UPP2: variants seen among roughly 807,000 people sequenced by gnomAD.
The protein encoded by UPP2 is uridine phosphorylase 2.
UPP2 carries 23 observed loss-of-function variants against 26.7 expected under a neutral mutation model. The observed-to-expected ratio is 0.86, with a 90% confidence interval of 0.62 to 1.22. UPP2 has a LOEUF of 1.22. UPP2 is among the 50% of genes most tolerant of loss of function. The probability of loss-of-function intolerance (pLI) is 0.00; values close to 1 mark genes in which losing one functional copy is unlikely to be tolerated. For synonymous variants in UPP2, 127 were observed against 141.3 expected (o/e 0.90, Z 0.72); for missense variants, 387 against 396.7 (o/e 0.98, Z 0.21).
At chr2:158,086,325 A>G (rs1032202062) in intron 3 of UPP2, among the ~76,000 whole-genome samples, 1 of 152,074 alleles carries the variant, frequency 6.6e-6, no homozygotes, top group Non-Finnish European at 1.5e-5. Flanking sequence ...TTTCTGTGGT[A>G]TTGGTTGTAG....
At chr2:158,026,078 C>A (rs941018596) in intron 3 of UPP2, among the ~76,000 whole-genome samples, 2 of 152,110 alleles carry the variant, frequency 1.3e-5, no homozygotes, top group African/African-American at 4.8e-5. Flanking sequence ...TTCATTGTAT[C>A]TCCCGTCGTG....
intron 6 of UPP2, chr2:158,134,118 G>T (rs944445017): frequency 6.6e-6 from 1 of 151,952 alleles, no homozygotes; most frequent in African/African-American, 2.4e-5. Context: ...TCATTCTTTA[G>T]AAATCAAATG....
upstream of UPP2, among the ~76,000 whole-genome samples, chr2:158,099,011 A>T (rs769742500): frequency 2.0e-5 from 3 of 152,214 alleles, no homozygotes; most frequent in Non-Finnish European, 2.9e-5. Context: ...TCAAGGAAAG[A>T]TCAAAAGATC....
At chr2:158,063,802 T>A (rs1441649621) in intron 3 of UPP2, among the ~76,000 whole-genome samples, 3 of 152,192 alleles carry the variant, frequency 2.0e-5, no homozygotes, top group African/African-American at 7.2e-5. Context: ...TATGTCTGTG[T>A]GTTCTCATTG....
intron 3 of UPP2, among the ~76,000 whole-genome samples, chr2:158,066,499 C>T (rs1196419517): frequency 1.3e-5 from 2 of 152,188 alleles, no homozygotes; most frequent in African/African-American, 4.8e-5. Context: ...CACTCTAGAC[C>T]TTATGTAGTT....
intron 2 of UPP2, among the ~76,000 whole-genome samples, chr2:158,014,531 C>T (rs540121593): frequency 5.0e-4 from 76 of 152,318 alleles, no homozygotes; most frequent in African/African-American, 1.7e-3. Flanking sequence ...GACCTTCCCT[C>T]CCACTCCCCT....
chr2:158,004,808 A>G (rs1275354931), intron 2 of UPP2, among the ~76,000 whole-genome samples: 1 of 152,208 alleles, frequency 6.6e-6, no homozygotes, highest in Admixed American at 6.5e-5. Flanking sequence ...CTTGGTTCCC[A>G]TATATCAAAA....
intron 3 of UPP2, among the ~76,000 whole-genome samples, chr2:158,051,880 A>T (rs1682165070): frequency 6.6e-6 from 1 of 152,206 alleles, no homozygotes; most frequent in Non-Finnish European, 1.5e-5. Context: ...AGACCTTGAG[A>T]GTAGGGGCTC....
chr2:158,119,460 A>G (rs1198988464), intron 4 of UPP2, among the ~76,000 whole-genome samples: 1 of 151,980 alleles, frequency 6.6e-6, no homozygotes, highest in African/African-American at 2.4e-5. Flanking sequence ...GCGTTTGGAG[A>G]TGAAAGATGT....
At chr2:158,021,577 C>T (rs1683753031) in intron 3 of UPP2, among the ~76,000 whole-genome samples, 1 of 152,170 alleles carries the variant, frequency 6.6e-6, no homozygotes, top group South Asian at 2.1e-4. Flanking sequence ...TTGATATTTG[C>T]CTTCCTTTGA....
chr2:158,096,733 G>T (rs1682992355), intron 3 of UPP2, among the ~76,000 whole-genome samples: 1 of 152,102 alleles, frequency 6.6e-6, no homozygotes, highest in African/African-American at 2.4e-5. Flanking sequence ...ACAATAATTT[G>T]ATATCATTGC....
chr2:158,025,859 TCTGG>T (rs1443341400), intron 3 of UPP2, among the ~76,000 whole-genome samples: 1 of 151,728 alleles, frequency 6.6e-6, no homozygotes, highest in African/African-American at 2.4e-5. Context: ...TAGAAGGGGG[TCTGG>T]AGGGATAAAC....
intron 1 of UPP2, among the ~76,000 whole-genome samples, chr2:158,104,183 T>G (rs968435747): frequency 6.6e-6 from 1 of 152,156 alleles, no homozygotes; most frequent in Non-Finnish European, 1.5e-5. Flanking sequence ...TATTGCAATG[T>G]GAAATGCTAT....
intron 2 of UPP2, among the ~76,000 whole-genome samples, chr2:158,006,424 C>T (rs1297239772): frequency 6.8e-6 from 1 of 146,326 alleles, no homozygotes; most frequent in Non-Finnish European, 1.5e-5. Flanking sequence ...TTGCAATGAG[C>T]CGAGATCGTA....
intron 3 of UPP2, 131 bp downstream of exon 3, chr2:158,115,390 A>G (rs1450372988): frequency 4.3e-6 from 5 of 1,169,624 alleles, no homozygotes; most frequent in East Asian, 2.7e-5. Flanking sequence ...TCCAGGTATG[A>G]GTTCATTATT....
intron 1 of UPP2, among the ~76,000 whole-genome samples, chr2:158,104,155 G>C (rs529571216): frequency 7.2e-5 from 11 of 152,148 alleles, no homozygotes; most frequent in Non-Finnish European, 1.6e-4. Flanking sequence ...TCTTTCTAGA[G>C]GGATGGAAAC....
At chr2:158,026,361 T>C (rs1429746692) in intron 3 of UPP2, among the ~76,000 whole-genome samples, 4 of 152,100 alleles carry the variant, frequency 2.6e-5, no homozygotes, top group Non-Finnish European at 5.9e-5. Flanking sequence ...GGTCTCAAGG[T>C]CCTGATTGTT....
Position 158,134,889 on chromosome 2 carries a change from A to G in UPP2, c.953A>G (p.Ter318TrpextTer3). The G allele has an allele frequency of 2.5e-6, 4 of 1,612,674 alleles. No individual in the cohort carries two copies. The highest frequency in any genetic ancestry group is 3.4e-6 in the Non-Finnish European group (4 of 1,179,302). ...FIRRRLGLCD[*>W] The stretch of plus-strand genomic sequence containing the variant: ...AGACGGCGGCTTGGACTTTGTGACT[A>G]GACGTCCTAACTGGGCAGCCCAACC... The change falls in exon 7 of 7, where the codon TAG (stop) becomes TGG (tryptophan). Residue 318 changes from the stop codon to tryptophan (W), a stop_lost. Coordinates refer to ENST00000005756, the MANE Select transcript of UPP2 (RefSeq NM_173355.4).
In UPP2 at chr2:158,135,462, G is replaced by C. The variant is rs1683912633; in HGVS notation, c.*572G>C. 1 of 152,180 alleles carries C rather than the reference G, an allele frequency of 6.6e-6. No homozygotes were observed. Among genetic ancestry groups the C allele is most frequent in the Non-Finnish European group, 1.5e-5 (1 of 68,038 alleles). 9.4% of individuals were successfully genotyped at this position (152,180 alleles called of 1,614,324 possible). On this transcript the variant is annotated 3_prime_UTR_variant, in exon 7 of 7. Coordinates refer to ENST00000005756, the MANE Select transcript of UPP2 (RefSeq NM_173355.4). ...ATTCGAGATTTACATATGCCTGTTT[G>C]TGATTTTATCTCAGAATATAACAAC...
Sources: allele counts gnomAD v4.1 joint callset (sites outside exome capture counted in the v4.1 genomes callset), GRCh38; gene constraint gnomAD v4.1.1; transcripts MANE v1.5; gene names NCBI Gene and HGNC (gene_info 2026-07-23, HGNC 2026-07-21).